Variants in ACYP2 observed in about 807,000 individuals in gnomAD.
The protein encoded by ACYP2 is acylphosphatase 2.
In ACYP2, 12 loss-of-function variants were observed where a neutral mutation model predicts 11.2. The ratio of observed to expected loss-of-function variants is 1.08; its 90% confidence interval spans 0.69 to 1.74. The LOEUF (loss-of-function observed/expected upper bound fraction) is 1.74. Ranked by LOEUF, ACYP2 falls within the 40% of genes most tolerant of loss-of-function variation. ACYP2 has a pLI of 0.00. For synonymous variants in ACYP2, 43 were observed against 32.2 expected, an observed-to-expected ratio of 1.33 and a Z score of -1.13; for missense variants, 134 against 101.9, an observed-to-expected ratio of 1.31 and a Z score of -1.35.
chr2:54,252,644 C>A (rs1687279274), intron 6 of ACYP2, among the ~76,000 whole-genome samples: 1 of 152,076 alleles, frequency 6.6e-6, no homozygotes, highest in Admixed American at 6.5e-5. Flanking sequence ...TGGAATTATA[C>A]CATTGGCATA....
rs1049077737 is a variant in ACYP2 at position 54,034,547 on chromosome 2, A to G, written c.63-16411A>G. 2.6e-5 allele frequency among the ~76,000 whole-genome samples: 4 copies of G among 152,318 alleles called. No homozygotes were observed. In the South Asian group the frequency reaches 6.2e-4, roughly 24 times the overall value. On this transcript the variant is annotated intron_variant, in intron 2 of 6. Coordinates refer to ENST00000607452, the MANE Select transcript of ACYP2 (RefSeq NM_001320586.2). ...CTATCACCTGGATGTGTAGTAGGCTATACCATCTAGGTTTGCGTAAGTGCA... is the reference window on the plus strand; with the variant it reads ...CTATCACCTGGATGTGTAGTAGGCTGTACCATCTAGGTTTGCGTAAGTGCA...
intron 6 of ACYP2, among the ~76,000 whole-genome samples, chr2:54,252,486 T>G (rs534229578): frequency 4.1e-4 from 63 of 152,316 alleles, no homozygotes; most frequent in African/African-American, 1.5e-3. Flanking sequence ...TGTACAAAGC[T>G]GCTCTCCCAT....
chr2:54,116,834 G>A (rs934630739), intron 4 of ACYP2, among the ~76,000 whole-genome samples: 10 of 152,172 alleles, frequency 6.6e-5, no homozygotes, highest in Admixed American at 4.6e-4. Flanking sequence ...GGGTTGGACC[G>A]CACAGTCTAA....
chr2:54,244,072 T>G (rs1686844364), intron 6 of ACYP2, among the ~76,000 whole-genome samples: 1 of 152,202 alleles, frequency 6.6e-6, no homozygotes, highest in African/African-American at 2.4e-5. Flanking sequence ...TCTTTACTCC[T>G]TTAGAATTTA....
chr2:54,216,056 A>G (rs1322740128), intron 6 of ACYP2, among the ~76,000 whole-genome samples: 2 of 152,186 alleles, frequency 1.3e-5, no homozygotes, highest in Non-Finnish European at 2.9e-5. Flanking sequence ...ACTTTAGCCA[A>G]TGTAGAATTT....
chr2:54,124,405 A>G (rs1170827225), intron 4 of ACYP2, among the ~76,000 whole-genome samples: 1 of 152,188 alleles, frequency 6.6e-6, no homozygotes, highest in Non-Finnish European at 1.5e-5. Context: ...CATGTTGGTC[A>G]GGCTGGTCTT....
chr2:54,015,285 G>T (rs994350969), intron 2 of ACYP2, among the ~76,000 whole-genome samples: 1 of 151,438 alleles, frequency 6.6e-6, no homozygotes, highest in Non-Finnish European at 1.5e-5. Context: ...GCCGAGGCGA[G>T]CAGATCATGT....
At chr2:53,998,289 G>A (rs928011204) in intron 2 of ACYP2, among the ~76,000 whole-genome samples, 5 of 152,122 alleles carry the variant, frequency 3.3e-5, no homozygotes, top group African/African-American at 7.2e-5. Flanking sequence ...GGAGGTAGCC[G>A]ATACAGACTT....
At chr2:54,088,938 T>G (rs1414623269) in intron 4 of ACYP2, among the ~76,000 whole-genome samples, 1 of 152,156 alleles carries the variant, frequency 6.6e-6, no homozygotes, top group Non-Finnish European at 1.5e-5. Context: ...AGCCCACAAT[T>G]GCATGTTCAA....
chr2:53,991,906 A>G (rs1254515606), intron 2 of ACYP2, among the ~76,000 whole-genome samples: 4 of 152,092 alleles, frequency 2.6e-5, no homozygotes, highest in Non-Finnish European at 4.4e-5. Flanking sequence ...GCCTAAAGCA[A>G]TCCTCCTGCC....
At chr2:54,011,424 T>G (rs537159011) in intron 2 of ACYP2, among the ~76,000 whole-genome samples, 1 of 152,336 alleles carries the variant, frequency 6.6e-6, no homozygotes, top group South Asian at 2.1e-4. Context: ...TGTCTCTTGC[T>G]TCCATTCTTA....
chr2:54,206,393 T>C (rs891515007), intron 6 of ACYP2, among the ~76,000 whole-genome samples: 5 of 152,220 alleles, frequency 3.3e-5, no homozygotes, highest in African/African-American at 1.2e-4. Context: ...TATTCTCCTA[T>C]CCACTTAAAA....
intron 4 of ACYP2, among the ~76,000 whole-genome samples, chr2:54,125,386 A>T (rs1680428738): frequency 6.6e-6 from 1 of 152,198 alleles, no homozygotes; most frequent in African/African-American, 2.4e-5. Context: ...AAATCCCCCA[A>T]ATCACAGTTC....
intron 6 of ACYP2, among the ~76,000 whole-genome samples, chr2:54,222,395 C>A (rs1266951126): frequency 6.6e-6 from 1 of 151,806 alleles, no homozygotes; most frequent in African/African-American, 2.4e-5. Flanking sequence ...ACTAAAAATA[C>A]AAAAATTAGC....
intron 6 of ACYP2, among the ~76,000 whole-genome samples, chr2:54,181,165 C>G (rs1683704603): frequency 6.6e-6 from 1 of 152,192 alleles, no homozygotes; most frequent in African/African-American, 2.4e-5. Flanking sequence ...ATTACCCACT[C>G]TCATACCATT....
At chr2:54,261,431 G>A (rs1281301229) in intron 6 of ACYP2, among the ~76,000 whole-genome samples, 1 of 152,084 alleles carries the variant, frequency 6.6e-6, no homozygotes, top group Non-Finnish European at 1.5e-5. Context: ...AAATGAGTAA[G>A]GGAAGGAAGA....
chr2:54,117,605 A>G (rs971687534), intron 4 of ACYP2, among the ~76,000 whole-genome samples: 7 of 152,180 alleles, frequency 4.6e-5, no homozygotes, highest in Non-Finnish European at 8.8e-5. Flanking sequence ...GAAATTTATT[A>G]ATGAGAAGAC....
At chr2:53,996,401 A>G (rs897867188) in intron 2 of ACYP2, among the ~76,000 whole-genome samples, 2 of 152,144 alleles carry the variant, frequency 1.3e-5, no homozygotes, top group African/African-American at 2.4e-5. Flanking sequence ...CTGGATGCTG[A>G]TCTGATATCT....
At chr2:54,256,259 C>G (rs1466735703) in intron 6 of ACYP2, 1 of 1,315,668 alleles carries the variant, frequency 7.6e-7, no homozygotes, top group Non-Finnish European at 1.0e-6. Flanking sequence ...TTGCGCCGCC[C>G]ACTCTTCAGT....
Sources: allele counts gnomAD v4.1 joint callset (sites outside exome capture counted in the v4.1 genomes callset), GRCh38; gene constraint gnomAD v4.1.1; transcripts MANE v1.5; gene names NCBI Gene and HGNC (gene_info 2026-07-23, HGNC 2026-07-21).